Variants in VPS13A observed in about 807,000 individuals in gnomAD.
VPS13A encodes intermembrane lipid transfer protein VPS13A.
A neutral mutation model predicts 390.9 loss-of-function variants in VPS13A; 264 were observed. That is an observed-to-expected ratio of 0.68 (90% CI 0.61 to 0.75). The LOEUF is 0.75. Ranked by LOEUF, VPS13A falls within the 30% of genes least tolerant of loss-of-function variation. The pLI is 0.00. For synonymous variants in VPS13A, 1,231 were observed against 1,227.1 expected (o/e 1.00, Z -0.07); for missense variants, 3,409 against 3,733.9 (o/e 0.91, Z 2.27).
At chr9:77,300,586 G>A (rs942431363) in intron 33 of VPS13A, among the ~76,000 whole-genome samples, 31 of 152,140 alleles carry the variant, frequency 2.0e-4, no homozygotes, top group African/African-American at 6.3e-4. Context: ...ACAAAAATTA[G>A]CTGTGTGTGG....
rs561764030 is a variant in VPS13A, at chr9:77,179,287, G to T, written c.100+1483G>T. On this transcript the variant is annotated intron_variant, in intron 1 of 71. Coordinates refer to ENST00000360280, the MANE Select transcript of VPS13A (RefSeq NM_033305.3). ...GTGATACAGTTCTGTCTTGACAAAT[G>T]CTAAGAGGCATGTATGCACCACCAC... Among the ~76,000 whole-genome samples, 11 of 152,238 alleles carry T rather than the reference G, an allele frequency of 7.2e-5. 1 individual carries two copies. The highest frequency in any genetic ancestry group is 2.6e-4 in the African/African-American group (11 of 41,534).
At position 77,344,994 on chromosome 9, in the gene VPS13A, T is replaced by C; in HGVS notation, c.7156-15T>C. On this transcript the variant is annotated splice_polypyrimidine_tract_variant and intron_variant, in intron 51 of 71. Transcript: ENST00000360280. ...AAATGATTACATTAAAATGTTTTCT[T>C]TTTCTTTCTTCTAGCTTGGAGGTAT... 1 of 1,609,366 alleles carries C rather than the reference T, an allele frequency of 6.2e-7. No individual in the cohort carries two copies. The highest frequency in any genetic ancestry group is 8.5e-7 in the Non-Finnish European group (1 of 1,179,502).
intron 37 of VPS13A, 23 bp downstream of exon 37, chr9:77,314,687 A>G: frequency 6.2e-7 from 1 of 1,605,050 alleles, no homozygotes; most frequent in Non-Finnish European, 8.5e-7. Flanking sequence ...ATGATGTTCT[A>G]AGGTTTTACT....
intron 10 of VPS13A, among the ~76,000 whole-genome samples, chr9:77,215,887 C>G (rs149701398): frequency 1.2e-4 from 19 of 152,344 alleles, no homozygotes; most frequent in Admixed American, 3.3e-4. Flanking sequence ...TGAATGCACT[C>G]CAGTACAAAA....
intron 71 of VPS13A, among the ~76,000 whole-genome samples, chr9:77,413,583 A>G (rs1196775326): frequency 6.6e-6 from 1 of 152,224 alleles, no homozygotes; most frequent in African/African-American, 2.4e-5. Context: ...CTTATACAAA[A>G]ATTAATTCAA....
At chr9:77,379,959 A>G (rs752404740) in intron 67 of VPS13A, among the ~76,000 whole-genome samples, 26 of 152,144 alleles carry the variant, frequency 1.7e-4, no homozygotes, top group Non-Finnish European at 2.9e-4. Flanking sequence ...GAAATCTTCA[A>G]CTATTATGGT....
At chr9:77,251,134 A>G (rs1330002175) in intron 21 of VPS13A, among the ~76,000 whole-genome samples, 1 of 152,230 alleles carries the variant, frequency 6.6e-6, no homozygotes, top group Non-Finnish European at 1.5e-5. Flanking sequence ...AGGATAGTGA[A>G]TGTAGTTTGT....
At chr9:77,413,253 A>T (rs1033109208) in intron 71 of VPS13A, among the ~76,000 whole-genome samples, 1 of 152,166 alleles carries the variant, frequency 6.6e-6, no homozygotes, top group Non-Finnish European at 1.5e-5. Context: ...TAAAGTTCAT[A>T]TGGAACCAAA....
Position 77,337,402 on chromosome 9 carries a change from TG to T in VPS13A, c.6244del (p.Val2082PhefsTer7). The T allele has an allele frequency of 2.5e-6, 4 of 1,612,916 alleles. No individual in the cohort carries two copies. Among genetic ancestry groups the T allele is most frequent in the Non-Finnish European group, 3.4e-6 (4 of 1,179,064 alleles). ...CTAAGGAATCATTTCTCATTAATAT[TG>T]TTCCAGAAAAAGATAATTTAACATC... The part of the protein sequence containing the change: ...PSKESFLINI[V>X]PEKDNLTSLS... On this transcript the variant is annotated frameshift_variant, in exon 47 of 72. Transcript: ENST00000360280. LOFTEE classifies it high-confidence loss of function.
intron 46 of VPS13A, among the ~76,000 whole-genome samples, chr9:77,336,065 G>A (rs751649486): frequency 9.9e-5 from 15 of 152,112 alleles, no homozygotes; most frequent in Non-Finnish European, 7.4e-5. Context: ...AGGGACATGG[G>A]TGAAGCTGGA....
Position 77,274,915 on chromosome 9 carries a change from T to G in VPS13A, c.2513-583T>G, listed in dbSNP as rs542626551. 3.9e-5 allele frequency among the ~76,000 whole-genome samples: 6 copies of G among 152,208 alleles called. No individual in the cohort carries two copies. In the East Asian group the frequency reaches 1.2e-3, roughly 29 times the overall value. On this transcript the variant is annotated intron_variant, in intron 24 of 71. Transcript: ENST00000360280. ...ACCTAGTTTTAATGGTTTTACTAAGTTATCTAATGCTTTTTCAGTCCTTTT... is the reference window on the plus strand; with the variant it reads ...ACCTAGTTTTAATGGTTTTACTAAGGTATCTAATGCTTTTTCAGTCCTTTT...
chr9:77,188,135 T>C (rs929222647), intron 1 of VPS13A, among the ~76,000 whole-genome samples: 5 of 152,198 alleles, frequency 3.3e-5, no homozygotes, highest in African/African-American at 1.2e-4. Flanking sequence ...GACCATGTGA[T>C]GTTCTGGCTC....
At chr9:77,379,893 T>G (rs1833335660) in intron 67 of VPS13A, among the ~76,000 whole-genome samples, 1 of 152,188 alleles carries the variant, frequency 6.6e-6, no homozygotes, top group Non-Finnish European at 1.5e-5. Context: ...TCAAGTTCTC[T>G]TTTTTCCTTG....
intron 23 of VPS13A, among the ~76,000 whole-genome samples, chr9:77,262,322 T>C (rs1825803742): frequency 6.6e-6 from 1 of 152,202 alleles, no homozygotes; most frequent in Admixed American, 6.5e-5. Flanking sequence ...AAAAAATATA[T>C]TCACATTTCC....
intron 45 of VPS13A, among the ~76,000 whole-genome samples, chr9:77,329,457 A>T (rs971749480): frequency 6.6e-6 from 1 of 152,274 alleles, no homozygotes; most frequent in African/African-American, 2.4e-5. Context: ...AGGCCATTGG[A>T]GGGTTATTAA....
At position 77,293,444 on chromosome 9, in the gene VPS13A, A is replaced by T; in HGVS notation, c.3443A>T (p.Gln1148Leu). Residue 1148 changes from glutamine to leucine, a missense_variant, in exon 32 of 72, where the codon CAG becomes CTG. By Grantham distance (113) the Gln-to-Leu change is moderately radical (BLOSUM62 -2). This residue lies in a region of VPS13A where 2,717 missense variants were observed against 2,917.4 expected (regional missense o/e 0.93). Coordinates refer to ENST00000360280, the MANE Select transcript of VPS13A (RefSeq NM_033305.3). ...AYTDMNVVDI[Q>L]VNLIVGCIEV... Reference sequence around the variant, plus strand: ...ACAGATATGAATGTGGTTGACATTCAGGTTAATTTAATAGTTGGTTGCATT... The same window carrying T: ...ACAGATATGAATGTGGTTGACATTCTGGTTAATTTAATAGTTGGTTGCATT... 6.2e-7 allele frequency: 1 copy of T among 1,608,244 alleles called. No homozygotes were observed. Among genetic ancestry groups the T allele is most frequent in the South Asian group, 1.1e-5 (1 of 89,464 alleles).
At chr9:77,339,386 T>A in intron 47 of VPS13A, 130 bp from the exon 48 acceptor site, 1 of 823,414 alleles carries the variant, frequency 1.2e-6, no homozygotes, top group South Asian at 1.8e-5. Context: ...TGAATGTAAG[T>A]CTTCTGACTT....
intron 5 of VPS13A, among the ~76,000 whole-genome samples, chr9:77,207,246 T>TATATATATATATATATATATAC (rs1825718364): frequency 8.4e-6 from 1 of 118,966 alleles, no homozygotes; most frequent in Non-Finnish European, 1.8e-5. Context: ...TATATATATA[T>TATATATATATATATATATATAC]ATATATAAAA....
intron 67 of VPS13A, among the ~76,000 whole-genome samples, chr9:77,374,352 G>A (rs1334777827): frequency 6.6e-6 from 1 of 152,146 alleles, no homozygotes; most frequent in African/African-American, 2.4e-5. Flanking sequence ...TGTAATGAAA[G>A]TAAAATAAAC....
Sources: allele counts gnomAD v4.1 joint callset (sites outside exome capture counted in the v4.1 genomes callset), GRCh38; gene constraint gnomAD v4.1.1; regional missense constraint gnomAD v4.1.1; transcripts MANE v1.5; gene names NCBI Gene and HGNC (gene_info 2026-07-23, HGNC 2026-07-21).